GRM8: variants seen among roughly 807,000 people sequenced by gnomAD.
GRM8 encodes glutamate metabotropic receptor 8, also known as metabotropic glutamate receptor 8.
Under a neutral mutation model 87.2 loss-of-function variants are expected in GRM8, and 47 were observed. That is an observed-to-expected ratio of 0.54 (90% confidence interval 0.43 to 0.69). The LOEUF (loss-of-function observed/expected upper bound fraction) is 0.69, where lower values mean the gene tolerates loss of function less well. Ranked by LOEUF, GRM8 falls within the 30% of genes least tolerant of loss-of-function variation. The pLI is 0.00. For synonymous variants in GRM8, 396 were observed against 404.5 expected (o/e 0.98, Z 0.25); for missense variants, 1,019 against 1,139.2 (o/e 0.89, Z 1.52).
rs139963902 is a variant in GRM8 at position 126,697,371 on chromosome 7, G to A, written c.1357+72494C>T. 3.3e-5 allele frequency among the ~76,000 whole-genome samples: 5 copies of A among 152,152 alleles called. No individual in the cohort carries two copies. In the East Asian group the frequency reaches 9.7e-4, roughly 29 times the overall value. ...ATTTTGTATTATATACTAGAAACTGGCTAAGACAGCAGATTTTAGGTGCTG... is the reference window on the plus strand; with the variant it reads ...ATTTTGTATTATATACTAGAAACTGACTAAGACAGCAGATTTTAGGTGCTG... On this transcript the variant is annotated intron_variant, in intron 7 of 10. Transcript: ENST00000339582.
At chr7:126,619,786 G>A (rs1471197794) in intron 7 of GRM8, among the ~76,000 whole-genome samples, 4 of 152,064 alleles carry the variant, frequency 2.6e-5, no homozygotes, top group African/African-American at 9.7e-5. Context: ...TGCCTCCTAG[G>A]ATCGAGGGAT....
chr7:126,486,836 G>C (rs574164932), intron 9 of GRM8, among the ~76,000 whole-genome samples: 42 of 152,148 alleles, frequency 2.8e-4, no homozygotes, highest in Admixed American at 5.9e-4. Context: ...GTGATTTACT[G>C]AAGGGCTTAC....
At chr7:126,526,803 T>A (rs570976672) in intron 9 of GRM8, among the ~76,000 whole-genome samples, 1 of 152,380 alleles carries the variant, frequency 6.6e-6, no homozygotes, top group African/African-American at 2.4e-5. Context: ...CCTGCCTGCA[T>A]GTGCCCTACA....
intron 9 of GRM8, among the ~76,000 whole-genome samples, chr7:126,491,448 G>A (rs554331273): frequency 6.6e-6 from 1 of 152,038 alleles, no homozygotes; most frequent in African/African-American, 2.4e-5. Flanking sequence ...AACTTTATGT[G>A]CTTTTTCAAA....
chr7:126,903,886 C>T (rs1802418716), intron 5 of GRM8, 86 bp downstream of exon 5: 1 of 751,818 alleles, frequency 1.3e-6, no homozygotes, highest in African/African-American at 1.8e-5. Flanking sequence ...GTAATGAGTG[C>T]ATTTCCTCAT....
chr7:127,181,211 G>C (rs1467867840), intron 2 of GRM8, among the ~76,000 whole-genome samples: 1 of 151,950 alleles, frequency 6.6e-6, no homozygotes. Flanking sequence ...CAAGCAAGCA[G>C]AGAATCAAAT....
chr7:126,511,244 T>C (rs1811328261), intron 9 of GRM8: 1 of 152,082 alleles, frequency 6.6e-6, no homozygotes, highest in East Asian at 1.9e-4. Flanking sequence ...TGGTCTGCTA[T>C]GGTATGATCA....
In GRM8 at chr7:126,971,643, G is replaced by T. The variant is rs17866901; in HGVS notation, c.728-66960C>A. Among the ~76,000 whole-genome samples the T allele has an allele frequency of 6.2e-3, 941 of 152,176 alleles. 11 individuals carry two copies. The highest frequency in any genetic ancestry group is 0.021 in the African/African-American group (884 of 41,510). On this transcript the variant is annotated intron_variant, in intron 3 of 10. Transcript: ENST00000339582. ...GGAACTTAGCTGAATCTTCTAGGAG[G>T]GCTATGAGTCCATGAGGAGAACTAA...
At chr7:126,932,673 A>G (rs1228404696) in intron 3 of GRM8, among the ~76,000 whole-genome samples, 2 of 152,240 alleles carry the variant, frequency 1.3e-5, no homozygotes, top group African/African-American at 4.8e-5. Context: ...TAATGAAATG[A>G]GTTAAGCACT....
At chr7:127,191,573 A>C (rs1045706785) in intron 2 of GRM8, among the ~76,000 whole-genome samples, 1 of 152,174 alleles carries the variant, frequency 6.6e-6, no homozygotes, top group Non-Finnish European at 1.5e-5. Context: ...CATTCTCTTC[A>C]TTCAGTGCAA....
rs142003841 is a variant in GRM8 at position 126,928,832 on chromosome 7, T to C, written c.728-24149A>G. Among the ~76,000 whole-genome samples, 201 of 152,150 alleles carry C rather than the reference T, an allele frequency of 1.3e-3. 1 individual carries two copies. Among genetic ancestry groups the C allele is most frequent in the African/African-American group, 4.8e-3 (198 of 41,482 alleles). On this transcript the variant is annotated intron_variant, in intron 3 of 10. Coordinates refer to ENST00000339582, the MANE Select transcript of GRM8 (RefSeq NM_000845.3). ...CTACCCTTATAATAATAGGAGGAAC[T>C]ACAAAACTATTTTAAAAAGAAAGTG...
intron 9 of GRM8, among the ~76,000 whole-genome samples, chr7:126,488,400 G>C (rs1287723017): frequency 2.0e-5 from 3 of 151,968 alleles, no homozygotes; most frequent in Non-Finnish European, 4.4e-5. Context: ...ATGTCTTTGG[G>C]TATCCTGGAT....
At chr7:126,618,717 A>T (rs1318763097) in intron 7 of GRM8, among the ~76,000 whole-genome samples, 12 of 152,244 alleles carry the variant, frequency 7.9e-5, no homozygotes, top group Non-Finnish European at 1.8e-4. Context: ...CGCAAAGGAT[A>T]TGAACAGACA....
chr7:126,968,472 A>C (rs1020799107), intron 3 of GRM8, among the ~76,000 whole-genome samples: 1 of 152,168 alleles, frequency 6.6e-6, no homozygotes, highest in African/African-American at 2.4e-5. Context: ...CTATAAAGTT[A>C]CCCTAATTAA....
chr7:127,142,459 T>G (rs2133273170), intron 2 of GRM8, among the ~76,000 whole-genome samples: 1 of 152,280 alleles, frequency 6.6e-6, no homozygotes, highest in South Asian at 2.1e-4. Flanking sequence ...CAAGTAGTGC[T>G]TTTCAAATTG....
At chr7:126,570,533 A>C (rs1562964663) in intron 8 of GRM8, among the ~76,000 whole-genome samples, 1 of 152,224 alleles carries the variant, frequency 6.6e-6, no homozygotes. Context: ...AGAAGTCTCT[A>C]AAGAAGTTTT....
chr7:126,443,620 A>T (rs1280595959), intron 10 of GRM8, among the ~76,000 whole-genome samples: 2 of 151,970 alleles, frequency 1.3e-5, no homozygotes, highest in Non-Finnish European at 2.9e-5. Context: ...TCCAAAGTAC[A>T]ATTAAACTTT....
intron 9 of GRM8, among the ~76,000 whole-genome samples, chr7:126,481,557 A>G (rs1276017180): frequency 2.0e-5 from 3 of 152,014 alleles, no homozygotes; most frequent in African/African-American, 7.2e-5. Flanking sequence ...TCCCAACAGT[A>G]TATACATTCA....
At chr7:126,754,215 C>A (rs920483459) in intron 7 of GRM8, among the ~76,000 whole-genome samples, 2 of 151,772 alleles carry the variant, frequency 1.3e-5, no homozygotes, top group African/African-American at 4.8e-5. Flanking sequence ...TTGTATATGT[C>A]AATTAAACAC....
Sources: gnomAD v4.1 joint callset for allele counts (sites outside exome capture counted in the v4.1 genomes callset) on GRCh38, gnomAD v4.1.1 for gene constraint, MANE v1.5 for transcripts, NCBI Gene and HGNC (gene_info 2026-07-23, HGNC 2026-07-21) for gene names.